Variants in FBXW7 observed in about 807,000 individuals in gnomAD.
FBXW7 encodes the protein F-box/WD repeat-containing protein 7.
In FBXW7, 11 loss-of-function variants were observed where a neutral mutation model predicts 86.3. The ratio of observed to expected loss-of-function variants is 0.13; its 90% CI spans 0.08 to 0.21. The LOEUF is 0.21. FBXW7 is among the 10% of genes least tolerant of loss of function. The pLI, the probability that FBXW7 is intolerant of heterozygous loss-of-function variation, is 1.00. For missense variants in FBXW7, 488 were observed against 847.4 expected, an observed-to-expected ratio of 0.58 and a Z score of 5.27; for synonymous variants, 313 against 297.9, an observed-to-expected ratio of 1.05 and a Z score of -0.52.
rs530626263 is a variant in FBXW7, at chr4:152,454,253, C to T, written c.-119-41724G>A. Among the ~76,000 whole-genome samples the T allele has an allele frequency of 3.1e-4, 34 of 111,410 alleles. No individual in the cohort carries two copies. In the East Asian group the frequency reaches 4.1e-3, roughly 13 times the overall value. 73.1% of individuals were successfully genotyped at this position (111,410 alleles called of 152,430 possible). ...TTTACTGGAGAGTAACTCTCTAAGCCCCCCCCCCCTTTTTTTTTTTTTTCC... is the reference window on the plus strand; with the variant it reads ...TTTACTGGAGAGTAACTCTCTAAGCTCCCCCCCCCTTTTTTTTTTTTTTCC... On this transcript the variant is annotated intron_variant, in intron 2 of 13. Coordinates refer to ENST00000281708, the MANE Select transcript of FBXW7 (RefSeq NM_001349798.2).
chr4:152,409,092 CT>C (rs1315142360), intron 4 of FBXW7, among the ~76,000 whole-genome samples: 1 of 152,104 alleles, frequency 6.6e-6, no homozygotes, highest in Admixed American at 6.5e-5. Context: ...AATTAAAAAT[CT>C]TTTTTTCTCA....
At chr4:152,496,986 A>T (rs1746409662) in intron 2 of FBXW7, among the ~76,000 whole-genome samples, 1 of 152,194 alleles carries the variant, frequency 6.6e-6, no homozygotes, top group South Asian at 2.1e-4. Context: ...GATTCTACAA[A>T]TGAACTCATG....
Position 152,382,202 on chromosome 4 carries a change from A to C in FBXW7, c.501+29101T>G, listed in dbSNP as rs576143888. Reference sequence around the variant, plus strand: ...TGTGAGACTTACCCGTCTTCGACAAAAAGGGAGGCCTTGGGCAATGATGCT... The same window carrying C: ...TGTGAGACTTACCCGTCTTCGACAACAAGGGAGGCCTTGGGCAATGATGCT... On this transcript the variant is annotated intron_variant, in intron 4 of 13. Transcript: ENST00000281708. 2.4e-4 allele frequency: 372 copies of C among 1,550,294 alleles called. 7 individuals carry two copies. The South Asian group carries it at 4.4e-3, about 18-fold the overall frequency.
chr4:152,411,541 T>C lies in FBXW7; in HGVS notation c.263A>G (p.Asp88Gly), dbSNP rs2126879688. The change falls in exon 4 of 14, where the codon GAT becomes GGT. Residue 88 changes from aspartate (D) to glycine (G), a missense_variant. Around this residue, in one of 4 missense-constraint regions of FBXW7, gnomAD observed 230 missense variants for 240.0 expected, o/e 0.96. Coordinates refer to ENST00000281708, the MANE Select transcript of FBXW7 (RefSeq NM_001349798.2). ...EENNNRFISV[D>G]EDSSGNQEEQ... The stretch of plus-strand genomic sequence containing the variant: ...TTCTTGGTTTCCTGAGGAGTCCTCA[T>C]CTACCGAAATAAATCTATTATTGTT... The C allele has an allele frequency of 6.2e-7, 1 of 1,613,952 alleles. No homozygotes were observed. The highest frequency in any genetic ancestry group is 1.3e-5 in the African/African-American group (1 of 75,024).
chr4:152,460,580 A>C (rs1028420325), intron 2 of FBXW7, among the ~76,000 whole-genome samples: 1 of 152,174 alleles, frequency 6.6e-6, no homozygotes, highest in African/African-American at 2.4e-5. Context: ...TTCTAGCTGA[A>C]CACAGAATTC....
At chr4:152,382,365 C>G (rs1164553135) in intron 4 of FBXW7, 8 of 1,513,634 alleles carry the variant, frequency 5.3e-6, no homozygotes, top group Non-Finnish European at 7.1e-6. Context: ...GACGAATACT[C>G]TCTACATGTA....
intron 2 of FBXW7, among the ~76,000 whole-genome samples, chr4:152,482,548 T>C (rs1395885059): frequency 4.6e-5 from 7 of 152,156 alleles, no homozygotes; most frequent in Non-Finnish European, 8.8e-5. Flanking sequence ...TTGCTGTGTG[T>C]TTTCCTAAGA....
At chr4:152,525,485 A>G (rs1749422855) in intron 2 of FBXW7, among the ~76,000 whole-genome samples, 1 of 152,058 alleles carries the variant, frequency 6.6e-6, no homozygotes, top group African/African-American at 2.4e-5. Flanking sequence ...AGTAGACCCC[A>G]GTGTCTATTC....
chr4:152,335,890 C>T (rs984436258), intron 7 of FBXW7, among the ~76,000 whole-genome samples: 2 of 152,148 alleles, frequency 1.3e-5, no homozygotes, highest in African/African-American at 2.4e-5. Context: ...AAAGACAATG[C>T]TATTCATCAC....
At chr4:152,325,163 CT>C (rs1161750037) in intron 12 of FBXW7, 3 of 152,128 alleles carry the variant, frequency 2.0e-5, no homozygotes, top group African/African-American at 7.2e-5. Flanking sequence ...GCCAATTCCC[CT>C]TCCTCCAAAT....
rs905042305 is a variant in FBXW7 at position 152,321,547 on chromosome 4, C to CT, written c.*1333dup. 1 of 233,024 alleles carries CT rather than the reference C, an allele frequency of 4.3e-6. No individual in the cohort carries two copies. Among genetic ancestry groups the CT allele is most frequent in the Non-Finnish European group, 8.5e-6 (1 of 117,728 alleles). 14.4% of individuals were successfully genotyped at this position (233,024 alleles called of 1,614,324 possible). On this transcript the variant is annotated 3_prime_UTR_variant, in exon 14 of 14. Coordinates refer to ENST00000281708, the MANE Select transcript of FBXW7 (RefSeq NM_001349798.2). Reference sequence around the variant, plus strand: ...TTGGAGAATGAGGCAAACCATTTGACTGTTTCATTCATTTTGTTTGTTTGC... The same window carrying CT: ...TTGGAGAATGAGGCAAACCATTTGACTTGTTTCATTCATTTTGTTTGTTTGC...
chr4:152,449,422 T>C (rs955865484), intron 2 of FBXW7, among the ~76,000 whole-genome samples: 8 of 152,172 alleles, frequency 5.3e-5, no homozygotes. Context: ...TCTGGATACT[T>C]TATGTAGACT....
At chr4:152,482,301 T>G (rs1461203449) in intron 2 of FBXW7, among the ~76,000 whole-genome samples, 1 of 152,204 alleles carries the variant, frequency 6.6e-6, no homozygotes, top group Non-Finnish European at 1.5e-5. Context: ...TATTACACAC[T>G]TAACAGACTA....
intron 4 of FBXW7, chr4:152,352,922 T>G: frequency 7.0e-7 from 1 of 1,428,022 alleles, no homozygotes; most frequent in Non-Finnish European, 9.1e-7. Flanking sequence ...AGACTGCACA[T>G]CAATTATATG....
At chr4:152,383,662 C>T (rs980044373) in intron 4 of FBXW7, among the ~76,000 whole-genome samples, 7 of 151,938 alleles carry the variant, frequency 4.6e-5, no homozygotes, top group South Asian at 2.1e-4. Flanking sequence ...GGAATTTTGA[C>T]GGAGACAAGA....
chr4:152,338,230 T>C (rs1730361147), intron 6 of FBXW7: 1 of 198,338 alleles, frequency 5.0e-6, no homozygotes, highest in Non-Finnish European at 1.0e-5. Context: ...AGTCACTAAC[T>C]GAGAAGCCAA....
intron 2 of FBXW7, among the ~76,000 whole-genome samples, chr4:152,505,843 G>C (rs1030048561): frequency 2.6e-5 from 4 of 151,458 alleles, no homozygotes; most frequent in African/African-American, 9.7e-5. Context: ...CCAGGTTCAA[G>C]CAATTCTCGT....
chr4:152,402,904 T>C (rs2126846738), intron 4 of FBXW7, among the ~76,000 whole-genome samples: 1 of 152,250 alleles, frequency 6.6e-6, no homozygotes, highest in South Asian at 2.1e-4. Context: ...ATAAATAACG[T>C]CTAAAACTAT....
chr4:152,349,641 G>C (rs1443935978), intron 5 of FBXW7, among the ~76,000 whole-genome samples: 1 of 151,888 alleles, frequency 6.6e-6, no homozygotes, highest in African/African-American at 2.4e-5. Flanking sequence ...GATTGAGTTA[G>C]TAATTGTTTT....
Sources: allele counts gnomAD v4.1 joint callset (sites outside exome capture counted in the v4.1 genomes callset), GRCh38; gene constraint gnomAD v4.1.1; regional missense constraint gnomAD v4.1.1; transcripts MANE v1.5; gene names NCBI Gene and HGNC (gene_info 2026-07-23, HGNC 2026-07-21).